The following ACVR1 variants were observed in gnomAD, a reference collection of about 807,000 sequenced individuals.
ACVR1 encodes activin receptor type-1.
A neutral mutation model predicts 57.1 loss-of-function variants in ACVR1; 38 were observed. The observed-to-expected ratio is 0.67, with a 90% CI of 0.51 to 0.87. The LOEUF is 0.87. Ranked by LOEUF, ACVR1 falls within the 40% of genes least tolerant of loss-of-function variation. The probability of loss-of-function intolerance (pLI) is 0.00; values close to 1 mark genes in which losing one functional copy is unlikely to be tolerated. For missense variants in ACVR1, 463 were observed against 638.2 expected (o/e 0.73, Z 2.96); for synonymous variants, 212 against 228.1 (o/e 0.93, Z 0.63).
At chr2:157,861,764 T>C (rs770406328) in intron 1 of ACVR1, among the ~76,000 whole-genome samples, 11 of 152,234 alleles carry the variant, frequency 7.2e-5, no homozygotes, top group Non-Finnish European at 1.3e-4. Context: ...TGCATCATAC[T>C]TAAGAGAGCA....
chr2:157,799,640 C>T, intron 2 of ACVR1, 140 bp from the exon 3 acceptor site: 1 of 668,180 alleles, frequency 1.5e-6, no homozygotes, highest in South Asian at 1.7e-5. Context: ...CTTCTTACTA[C>T]ATTTAAACAC....
intron 2 of ACVR1, among the ~76,000 whole-genome samples, chr2:157,812,991 T>A (rs539860753): frequency 6.6e-6 from 1 of 152,244 alleles, no homozygotes; most frequent in Admixed American, 6.5e-5. Flanking sequence ...AAAATGAACA[T>A]CATAAAGAGT....
intron 9 of ACVR1, among the ~76,000 whole-genome samples, chr2:157,757,930 AAAC>A (rs1207975369): frequency 1.3e-5 from 2 of 151,836 alleles, no homozygotes; most frequent in Admixed American, 1.3e-4. Context: ...AGGATATTCA[AAAC>A]AACCAGAACA....
intron 6 of ACVR1, 60 bp downstream of exon 6, chr2:157,774,028 A>C: frequency 6.8e-7 from 1 of 1,462,010 alleles, no homozygotes. Context: ...TCCATCTTTT[A>C]CTTCAAAAAC....
In ACVR1 at chr2:157,753,900, A is replaced by T. The variant is rs1194974762; in HGVS notation, c.1264+6980T>A. On this transcript the variant is annotated intron_variant, in intron 9 of 10. Transcript: ENST00000434821. ...ATAAACTTAAGAAAACTGAAATTACATCAAGTATTCTCTCAGACCACAGTG... is the reference window on the plus strand; with the variant it reads ...ATAAACTTAAGAAAACTGAAATTACTTCAAGTATTCTCTCAGACCACAGTG... 3.2e-4 allele frequency among the ~76,000 whole-genome samples: 49 copies of T among 152,238 alleles called. 1 individual carries two copies. The highest frequency in any genetic ancestry group is 2.9e-5 in the Non-Finnish European group (2 of 68,046).
At chr2:157,746,626 G>A (rs555450120) in intron 9 of ACVR1, among the ~76,000 whole-genome samples, 9 of 152,314 alleles carry the variant, frequency 5.9e-5, no homozygotes, top group South Asian at 2.1e-4. Context: ...TGGGAGCCTC[G>A]GCATCACATT....
chr2:157,831,690 C>T (rs1688583990), intron 1 of ACVR1, among the ~76,000 whole-genome samples: 1 of 152,184 alleles, frequency 6.6e-6, no homozygotes, highest in South Asian at 2.1e-4. Context: ...TCTGTGCCCA[C>T]TGCAGGGTTG....
At chr2:157,811,146 C>T (rs1559070924) in intron 2 of ACVR1, among the ~76,000 whole-genome samples, 1 of 103,340 alleles carries the variant, frequency 9.7e-6, no homozygotes, top group Non-Finnish European at 2.4e-5. Context: ...GGGCTGCACT[C>T]TCAGGTATCT....
chr2:157,837,894 C>T (rs1054133214), intron 1 of ACVR1, among the ~76,000 whole-genome samples: 1 of 152,146 alleles, frequency 6.6e-6, no homozygotes, highest in Non-Finnish European at 1.5e-5. Context: ...AATTCTCTGC[C>T]CCTCTTTGCA....
Position 157,763,123 on chromosome 2 carries a change from T to A in ACVR1, c.1067-2046A>T, listed in dbSNP as rs60665637. ...TGTAAACTTTGGCTGAGTTCCTCTT[T>A]GAAAAAACTGAAAACATCTGAAAAT... On this transcript the variant is annotated intron_variant, in intron 8 of 10. Coordinates refer to ENST00000434821, the MANE Select transcript of ACVR1 (RefSeq NM_001111067.4). Among the ~76,000 whole-genome samples, 837 of 152,310 alleles carry A rather than the reference T, an allele frequency of 5.5e-3. 5 individuals are homozygous for A. Among genetic ancestry groups the A allele is most frequent in the African/African-American group, 0.018 (767 of 41,566 alleles).
chr2:157,815,460 A>T (rs954682535), intron 2 of ACVR1, among the ~76,000 whole-genome samples: 1 of 152,230 alleles, frequency 6.6e-6, no homozygotes, highest in Non-Finnish European at 1.5e-5. Flanking sequence ...TTCATTGCCA[A>T]CACCAGATAC....
chr2:157,850,940 G>C (rs1438916711), intron 1 of ACVR1, among the ~76,000 whole-genome samples: 4 of 152,148 alleles, frequency 2.6e-5, no homozygotes, highest in Non-Finnish European at 4.4e-5. Context: ...CTGGGCAACA[G>C]AGTAAGACTG....
intron 5 of ACVR1, 56 bp downstream of exon 5, chr2:157,778,075 A>G: frequency 6.4e-7 from 1 of 1,573,880 alleles, no homozygotes; most frequent in East Asian, 2.2e-5. Context: ...CGAAATAAGA[A>G]CGTGTCTCCA....
intron 9 of ACVR1, among the ~76,000 whole-genome samples, chr2:157,741,733 G>A (rs1684778546): frequency 6.6e-6 from 1 of 152,072 alleles, no homozygotes; most frequent in South Asian, 2.1e-4. Context: ...TAGCTTTAGA[G>A]GGAAGAGAAC....
chr2:157,778,108 T>C, intron 5 of ACVR1, 23 bp downstream of exon 5: 3 of 1,612,426 alleles, frequency 1.9e-6, no homozygotes, highest in Non-Finnish European at 2.5e-6. Flanking sequence ...ATGCTTGGGA[T>C]TTCCTGTGGG....
intron 2 of ACVR1, among the ~76,000 whole-genome samples, chr2:157,812,106 T>C (rs1447339074): frequency 1.3e-5 from 2 of 152,224 alleles, no homozygotes; most frequent in African/African-American, 2.4e-5. Context: ...ATTTAATTCC[T>C]GGTTCGGTCC....
chr2:157,796,700 TAA>T (rs34575127), intron 3 of ACVR1, among the ~76,000 whole-genome samples: 3 of 137,450 alleles, frequency 2.2e-5, no homozygotes, highest in Admixed American at 1.5e-4. Context: ...TTAAAAGAGG[TAA>T]AAAAAAAAAA....
intron 1 of ACVR1, among the ~76,000 whole-genome samples, chr2:157,859,465 T>G (rs1390765909): frequency 6.6e-6 from 1 of 152,216 alleles, no homozygotes; most frequent in Non-Finnish European, 1.5e-5. Context: ...CTTCCTTTAC[T>G]TTCTTAATAA....
At chr2:157,843,398 C>T (rs1303599416) in intron 1 of ACVR1, among the ~76,000 whole-genome samples, 1 of 152,184 alleles carries the variant, frequency 6.6e-6, no homozygotes, top group Admixed American at 6.5e-5. Flanking sequence ...TTTTTGAACA[C>T]TTCCAAGGTA....
Sources: gnomAD v4.1 joint callset for allele counts (sites outside exome capture counted in the v4.1 genomes callset) on GRCh38, gnomAD v4.1.1 for gene constraint, MANE v1.5 for transcripts, NCBI Gene and HGNC (gene_info 2026-07-23, HGNC 2026-07-21) for gene names.